Variants in AFAP1L1 observed in about 807,000 individuals in gnomAD.
The protein encoded by AFAP1L1 is actin filament associated protein 1 like 1, also known as actin filament-associated protein 1-like 1.
AFAP1L1 carries 77 observed loss-of-function variants against 99.8 expected under a neutral mutation model. That is an observed-to-expected ratio of 0.77 (90% confidence interval 0.64 to 0.93). AFAP1L1 has a LOEUF of 0.93. AFAP1L1 is among the 40% of genes least tolerant of loss of function. The probability of loss-of-function intolerance (pLI) is 0.00; values close to 1 mark genes in which losing one functional copy is unlikely to be tolerated. For synonymous variants in AFAP1L1, 373 were observed against 395.3 expected (o/e 0.94, Z 0.67); for missense variants, 893 against 996.8 (o/e 0.90, Z 1.40).
chr5:149,328,253 A>C (rs1757149569), intron 15 of AFAP1L1, among the ~76,000 whole-genome samples: 1 of 152,144 alleles, frequency 6.6e-6, no homozygotes, highest in African/African-American at 2.4e-5. Context: ...ACCCCCAATT[A>C]TCCATAAACT....
At chr5:149,287,089 G>A (rs1417522066) in intron 1 of AFAP1L1, among the ~76,000 whole-genome samples, 1 of 152,122 alleles carries the variant, frequency 6.6e-6, no homozygotes, top group Non-Finnish European at 1.5e-5. Context: ...TGAGTGTTAG[G>A]CACAGAGAAT....
rs749097758 is a variant in AFAP1L1, at chr5:149,342,194, T to C, written c.*2164T>C. On this transcript the variant is annotated 3_prime_UTR_variant, in exon 19 of 19. Coordinates refer to ENST00000296721, the MANE Select transcript of AFAP1L1 (RefSeq NM_152406.4). ...GAACAAGGAGTTCTGCTTTTCCTTT[T>C]GCCCTTTAAATTAGATAGCCAGTCC... 2.6e-5 allele frequency among the ~76,000 whole-genome samples: 4 copies of C among 152,224 alleles called. No homozygotes were observed. The highest frequency in any genetic ancestry group is 4.8e-5 in the African/African-American group (2 of 41,468).
At chr5:149,289,349 C>G (rs1755781718) in intron 1 of AFAP1L1, among the ~76,000 whole-genome samples, 1 of 152,180 alleles carries the variant, frequency 6.6e-6, no homozygotes, top group African/African-American at 2.4e-5. Flanking sequence ...TTAACACACA[C>G]AAAAGTCTTC....
At chr5:149,305,022 C>T (rs1303010910) in intron 5 of AFAP1L1, among the ~76,000 whole-genome samples, 2 of 152,204 alleles carry the variant, frequency 1.3e-5, no homozygotes, top group Non-Finnish European at 1.5e-5. Flanking sequence ...GCTCTGTCAC[C>T]AGCAAACTGT....
At chr5:149,298,279 A>G (rs1476201796) in intron 1 of AFAP1L1, among the ~76,000 whole-genome samples, 1 of 152,180 alleles carries the variant, frequency 6.6e-6, no homozygotes, top group East Asian at 1.9e-4. Context: ...CAAGCAAGTT[A>G]TTTATCTTCT....
chr5:149,338,633 T>A (rs1157588002), intron 18 of AFAP1L1, among the ~76,000 whole-genome samples: 2 of 152,200 alleles, frequency 1.3e-5, no homozygotes, highest in African/African-American at 4.8e-5. Flanking sequence ...TCTGGTTACA[T>A]AACAGGGAAC....
At chr5:149,294,877 A>T (rs950559756) in intron 1 of AFAP1L1, among the ~76,000 whole-genome samples, 1 of 152,152 alleles carries the variant, frequency 6.6e-6, no homozygotes, top group Non-Finnish European at 1.5e-5. Context: ...AAGTCTTCTG[A>T]TGGAGCATTC....
Position 149,335,611 on chromosome 5 carries a change from C to G in AFAP1L1, c.2172C>G (p.Pro724=), listed in dbSNP as rs772962361. ...ATCAACAGGAAACTGCAAATAAACCCCAGAACAGCGTTCCAGAGCAACCTC... is the reference window on the plus strand; with the variant it reads ...ATCAACAGGAAACTGCAAATAAACCGCAGAACAGCGTTCCAGAGCAACCTC... ...KPKSGETANK[P]QNSVPEQPLP... is the part of the protein sequence containing the mutation. The change falls in exon 18 of 19, where the codon CCC becomes CCG. Residue 724 remains proline (P), a synonymous_variant. Coordinates refer to ENST00000296721, the MANE Select transcript of AFAP1L1 (RefSeq NM_152406.4). 1 of 1,612,374 alleles carries G rather than the reference C, an allele frequency of 6.2e-7. No homozygotes were observed. The highest frequency in any genetic ancestry group is 2.2e-5 in the East Asian group (1 of 44,882).
intron 1 of AFAP1L1, among the ~76,000 whole-genome samples, chr5:149,289,154 G>A (rs1386392509): frequency 1.3e-5 from 2 of 152,126 alleles, no homozygotes; most frequent in Non-Finnish European, 2.9e-5. Flanking sequence ...TAACTCATCC[G>A]AAATTACGTA....
intron 1 of AFAP1L1, among the ~76,000 whole-genome samples, chr5:149,287,584 T>G (rs1755721813): frequency 6.6e-6 from 1 of 152,122 alleles, no homozygotes; most frequent in African/African-American, 2.4e-5. Flanking sequence ...TTATTTATTT[T>G]TATTTATTAA....
intron 6 of AFAP1L1, 130 bp from the exon 7 acceptor site, chr5:149,307,272 A>G (rs1756446709): frequency 1.1e-6 from 1 of 930,822 alleles, no homozygotes; most frequent in East Asian, 2.4e-5. Flanking sequence ...GGCCTTAGTC[A>G]TTACCAGTGT....
chr5:149,307,885 G>A (rs1284956606), intron 7 of AFAP1L1, among the ~76,000 whole-genome samples: 3 of 128,518 alleles, frequency 2.3e-5, no homozygotes, highest in Admixed American at 9.2e-5. Context: ...GCTAGGCACG[G>A]TGGCTCACAC....
At chr5:149,313,695 A>C (rs1756708552) in intron 9 of AFAP1L1, among the ~76,000 whole-genome samples, 1 of 152,256 alleles carries the variant, frequency 6.6e-6, no homozygotes, top group Non-Finnish European at 1.5e-5. Flanking sequence ...CTCAGTAAGA[A>C]GCAGACATGA....
intron 15 of AFAP1L1, 65 bp downstream of exon 15, chr5:149,322,782 G>T: frequency 7.4e-7 from 1 of 1,345,166 alleles, no homozygotes; most frequent in Non-Finnish European, 1.0e-6. Flanking sequence ...CTATAGGAGG[G>T]ATCTCAAAAT....
At chr5:149,281,915 C>T (rs747708729) in intron 1 of AFAP1L1, among the ~76,000 whole-genome samples, 29 of 152,244 alleles carry the variant, frequency 1.9e-4, no homozygotes, top group African/African-American at 3.1e-4. Flanking sequence ...GGGGTATAGC[C>T]GGGCAGCCTG....
chr5:149,315,709 T>C lies in AFAP1L1; in HGVS notation c.1021-112T>C. 6 of 842,940 alleles carry C rather than the reference T, an allele frequency of 7.1e-6. No individual in the cohort carries two copies. The South Asian group carries it at 8.7e-5, about 12-fold the overall frequency. 52.2% of individuals were successfully genotyped at this position (842,940 alleles called of 1,614,324 possible). On this transcript the variant is annotated intron_variant, in intron 9 of 18. Coordinates refer to ENST00000296721, the MANE Select transcript of AFAP1L1 (RefSeq NM_152406.4). Reference sequence around the variant, plus strand: ...CAGGATAGTTGCTGACAAACATTTGTTAGCTAATTATCATGTGCTGGGGGA... The same window carrying C: ...CAGGATAGTTGCTGACAAACATTTGCTAGCTAATTATCATGTGCTGGGGGA...
chr5:149,323,739 C>G (rs1024220888), intron 15 of AFAP1L1, among the ~76,000 whole-genome samples: 1 of 152,206 alleles, frequency 6.6e-6, no homozygotes, highest in Admixed American at 6.5e-5. Flanking sequence ...CCTTTCCCCT[C>G]TCTGGGCCTG....
intron 8 of AFAP1L1, 124 bp downstream of exon 8, chr5:149,310,259 C>T (rs1756584977): frequency 1.6e-6 from 2 of 1,226,446 alleles, no homozygotes; most frequent in Non-Finnish European, 2.2e-6. Context: ...CCCAAGTGCC[C>T]TCTGCGTGGC....
chr5:149,288,642 G>C (rs1755756512), intron 1 of AFAP1L1, among the ~76,000 whole-genome samples: 2 of 152,204 alleles, frequency 1.3e-5, no homozygotes, highest in South Asian at 4.1e-4. Flanking sequence ...TCCTTTGTGA[G>C]CTCAACAGGG....
Sources: gnomAD v4.1 joint callset for allele counts (sites outside exome capture counted in the v4.1 genomes callset) on GRCh38, gnomAD v4.1.1 for gene constraint, MANE v1.5 for transcripts, NCBI Gene and HGNC (gene_info 2026-07-23, HGNC 2026-07-21) for gene names.